PACSIN2: variants seen among roughly 807,000 people sequenced by gnomAD.
PACSIN2 encodes the protein protein kinase C and casein kinase substrate in neurons protein 2.
PACSIN2 carries 25 observed loss-of-function variants against 63.8 expected under a neutral mutation model. That is an observed-to-expected ratio of 0.39 (90% confidence interval 0.29 to 0.55). The LOEUF (loss-of-function observed/expected upper bound fraction) is 0.55, where lower values mean the gene tolerates loss of function less well. Ranked by LOEUF, PACSIN2 falls within the 20% of genes least tolerant of loss-of-function variation. The probability of loss-of-function intolerance (pLI) is 0.62; values close to 1 mark genes in which losing one functional copy is unlikely to be tolerated. For synonymous variants in PACSIN2, 255 were observed against 256.2 expected (o/e 1.00, Z 0.05); for missense variants, 518 against 646.9 (o/e 0.80, Z 2.16).
At chr22:42,968,089 C>T (rs1046844430) in intron 1 of PACSIN2, among the ~76,000 whole-genome samples, 1 of 152,136 alleles carries the variant, frequency 6.6e-6, no homozygotes, top group Admixed American at 6.5e-5. Context: ...GTGGCTTGCC[C>T]ACAGTTGCAC....
At chr22:42,928,202 G>A (rs1246420925) in intron 1 of PACSIN2, among the ~76,000 whole-genome samples, 1 of 152,226 alleles carries the variant, frequency 6.6e-6, no homozygotes, top group African/African-American at 2.4e-5. Context: ...AGAGGCATAG[G>A]AGGAAAATGG....
At chr22:42,964,318 T>C (rs1322475679) in intron 1 of PACSIN2, among the ~76,000 whole-genome samples, 1 of 151,130 alleles carries the variant, frequency 6.6e-6, no homozygotes, top group Admixed American at 6.6e-5. Context: ...CTCGAGAGGC[T>C]GAGGCAGGAG....
intron 1 of PACSIN2, among the ~76,000 whole-genome samples, chr22:42,930,363 G>T (rs1252018114): frequency 1.3e-5 from 2 of 152,220 alleles, no homozygotes; most frequent in East Asian, 3.9e-4. Flanking sequence ...CTGGGTTTGG[G>T]CCCTGGACAC....
intron 1 of PACSIN2, among the ~76,000 whole-genome samples, chr22:42,920,321 G>A (rs17003415): frequency 3.5e-4 from 54 of 152,220 alleles, no homozygotes; most frequent in Middle Eastern, 3.4e-3. Context: ...CATGCCATCC[G>A]AATTCCAACA....
chr22:42,914,157 G>A, intron 1 of PACSIN2, among the ~76,000 whole-genome samples: 1 of 152,234 alleles, frequency 6.6e-6, no homozygotes, highest in East Asian at 1.9e-4. Context: ...TAATCATAGG[G>A]GCAGCGTGTC....
At chr22:42,878,425 T>A (rs533736339) in intron 8 of PACSIN2, among the ~76,000 whole-genome samples, 1 of 152,204 alleles carries the variant, frequency 6.6e-6, no homozygotes, top group African/African-American at 2.4e-5. Context: ...GAGTGTCACA[T>A]GGAGGCCTGT....
intron 8 of PACSIN2, 81 bp downstream of exon 8, chr22:42,878,967 G>T: frequency 6.9e-7 from 1 of 1,455,378 alleles, no homozygotes. Flanking sequence ...TGTCCAGGCC[G>T]GGGCTGCCCT....
chr22:42,917,631 CA>C (rs10715107), intron 1 of PACSIN2, among the ~76,000 whole-genome samples: 33,634 of 149,066 alleles, frequency 0.23, 6,427 homozygotes, highest in East Asian at 0.73. Flanking sequence ...ACCAACCAAA[CA>C]AAAAAAAAAG....
chr22:43,007,719 A>T (rs185964376), intron 1 of PACSIN2, among the ~76,000 whole-genome samples: 1 of 152,324 alleles, frequency 6.6e-6, no homozygotes, highest in Middle Eastern at 3.4e-3. Context: ...TACCGCCACA[A>T]TGAAAAGAGA....
intron 3 of PACSIN2, 146 bp from the exon 4 acceptor site, chr22:42,891,328 T>C (rs1929899341): frequency 3.3e-6 from 2 of 608,164 alleles, no homozygotes; most frequent in Admixed American, 3.0e-5. Context: ...AGGGACTCTG[T>C]GCCTTTTTCA....
chr22:42,969,933 G>A (rs117480423), intron 1 of PACSIN2, among the ~76,000 whole-genome samples: 3 of 144,436 alleles, frequency 2.1e-5, no homozygotes, highest in African/African-American at 7.7e-5. Context: ...AAAAAAAAAA[G>A]AAAAGAAACT....
intron 5 of PACSIN2, 67 bp from the exon 6 acceptor site, chr22:42,884,628 G>T: frequency 7.4e-7 from 1 of 1,356,496 alleles, no homozygotes; most frequent in South Asian, 1.3e-5. Context: ...CCCTGCCCCT[G>T]GAGTGTCTCA....
At chr22:42,919,016 G>C (rs1325742743) in intron 1 of PACSIN2, among the ~76,000 whole-genome samples, 1 of 152,122 alleles carries the variant, frequency 6.6e-6, no homozygotes, top group Non-Finnish European at 1.5e-5. Flanking sequence ...AGGTTGAGCC[G>C]ACTACAACGA....
chr22:42,885,761 C>T (rs1347844669), intron 5 of PACSIN2, among the ~76,000 whole-genome samples: 1 of 151,980 alleles, frequency 6.6e-6, no homozygotes, highest in Non-Finnish European at 1.5e-5. Flanking sequence ...TTTCTCCTCT[C>T]CTGGTATCCG....
intron 1 of PACSIN2, among the ~76,000 whole-genome samples, chr22:42,946,668 A>G (rs1298031188): frequency 1.3e-5 from 2 of 152,114 alleles, no homozygotes; most frequent in African/African-American, 4.8e-5. Flanking sequence ...TTCCAACATA[A>G]TCTTAGGATC....
chr22:42,877,000 C>T lies in PACSIN2; in HGVS notation c.1039G>A (p.Val347Ile). 6.2e-7 allele frequency: 1 copy of T among 1,614,100 alleles called. No homozygotes were observed. ...LPSKPSSTLN[V>I]PSNPAQSAQS... Reference sequence around the variant, plus strand: ...GCAGACTGGGCGGGGTTGCTCGGGACATTAAGGGTGCTATGGAGAGAGAGA... The same window carrying T: ...GCAGACTGGGCGGGGTTGCTCGGGATATTAAGGGTGCTATGGAGAGAGAGA... The change falls in exon 9 of 11, where the codon GTC becomes ATC. Residue 347 changes from valine (V) to isoleucine (I), a missense_variant. Around this residue, in one of 2 missense-constraint regions of PACSIN2, gnomAD observed 507 missense variants for 612.3 expected, o/e 0.83. Coordinates refer to ENST00000263246, the MANE Select transcript of PACSIN2 (RefSeq NM_001184970.3).
At chr22:42,900,922 A>G (rs1410749789) in intron 2 of PACSIN2, among the ~76,000 whole-genome samples, 3 of 152,184 alleles carry the variant, frequency 2.0e-5, no homozygotes, top group Non-Finnish European at 4.4e-5. Flanking sequence ...AGTCAACATG[A>G]GATGATGCGT....
chr22:42,952,654 G>A lies in PACSIN2; in HGVS notation c.-77-40497C>T, dbSNP rs555242227. Reference sequence around the variant, plus strand: ...TTATAGACGTTGAGCCACCACACCCGGCCTATTTATTTATTTTTTTTTTTT... The same window carrying A: ...TTATAGACGTTGAGCCACCACACCCAGCCTATTTATTTATTTTTTTTTTTT... On this transcript the variant is annotated intron_variant, in intron 1 of 10. Coordinates refer to ENST00000263246, the MANE Select transcript of PACSIN2 (RefSeq NM_001184970.3). Among the ~76,000 whole-genome samples, 372 of 148,244 alleles carry A rather than the reference G, an allele frequency of 2.5e-3. 3 individuals carry two copies. The highest frequency in any genetic ancestry group is 8.8e-3 in the African/African-American group (351 of 39,736).
At chr22:42,981,660 C>A (rs1922151353) in intron 1 of PACSIN2, among the ~76,000 whole-genome samples, 1 of 126,418 alleles carries the variant, frequency 7.9e-6, no homozygotes, top group East Asian at 2.6e-4. Flanking sequence ...GGGGGTCAGC[C>A]CCCCGCCCGG....
Sources: allele counts gnomAD v4.1 joint callset (sites outside exome capture counted in the v4.1 genomes callset), GRCh38; gene constraint gnomAD v4.1.1; regional missense constraint gnomAD v4.1.1; transcripts MANE v1.5; gene names NCBI Gene and HGNC (gene_info 2026-07-23, HGNC 2026-07-21).